The following CD38 variants were observed in gnomAD, a reference collection of about 807,000 sequenced individuals.
The protein encoded by CD38 is ADP-ribosyl cyclase/cyclic ADP-ribose hydrolase 1.
CD38 carries 31 observed loss-of-function variants against 36.3 expected under a neutral mutation model. That is an observed-to-expected ratio of 0.85 (90% CI 0.64 to 1.15). CD38 has a LOEUF of 1.15. Ranked by LOEUF, CD38 falls within the 50% of genes most tolerant of loss-of-function variation. CD38 has a pLI of 0.00. For synonymous variants in CD38, 131 were observed against 135.2 expected (o/e 0.97, Z 0.22); for missense variants, 380 against 371.9 (o/e 1.02, Z -0.18).
intron 1 of CD38, among the ~76,000 whole-genome samples, chr4:15,814,371 T>C (rs1227904776): frequency 6.6e-6 from 1 of 152,160 alleles, no homozygotes; most frequent in Non-Finnish European, 1.5e-5. Flanking sequence ...TTGCAAAAAA[T>C]TTCTCCCATT....
rs2148931436 is a variant in CD38 at position 15,853,004 on chromosome 4, G to A, written c.*4402G>A. On this transcript the variant is annotated 3_prime_UTR_variant, in exon 8 of 8. Transcript: ENST00000226279. ...TTTTTGTATTTTTAGTAGAGACGGG[G>A]TTTCACCGTGTTAGCCAGGATAGGG... The A allele has an allele frequency of 6.6e-6, 1 of 152,098 alleles. No individual in the cohort carries two copies. Among genetic ancestry groups the A allele is most frequent in the Non-Finnish European group, 1.5e-5 (1 of 67,996 alleles). The allele number at this position is 152,098 out of a possible 1,614,324, so 9.4% of individuals were successfully genotyped here.
chr4:15,791,780 C>A (rs1270954435), intron 1 of CD38, among the ~76,000 whole-genome samples: 2 of 80,064 alleles, frequency 2.5e-5, no homozygotes, highest in African/African-American at 1.3e-4. Flanking sequence ...CCCGGCCAGC[C>A]GCCCCGTCCG....
intron 1 of CD38, among the ~76,000 whole-genome samples, chr4:15,812,436 G>A (rs1014992550): frequency 1.5e-4 from 23 of 152,268 alleles, no homozygotes; most frequent in Middle Eastern, 3.4e-3. Context: ...GGTGGCTCAC[G>A]CCTGTAATCC....
chr4:15,826,497 A>ACACC (rs1723853777), intron 3 of CD38, among the ~76,000 whole-genome samples: 2 of 149,444 alleles, frequency 1.3e-5, no homozygotes, highest in African/African-American at 4.9e-5. Flanking sequence ...ACACACACAC[A>ACACC]CCTGCATACT....
intron 1 of CD38, among the ~76,000 whole-genome samples, chr4:15,815,720 T>A (rs1312336473): frequency 6.6e-6 from 1 of 152,206 alleles, no homozygotes; most frequent in Non-Finnish European, 1.5e-5. Flanking sequence ...CAGAGACAAT[T>A]TGACTTTCTC....
intron 1 of CD38, among the ~76,000 whole-genome samples, chr4:15,792,433 A>T (rs1458813728): frequency 3.4e-5 from 5 of 145,172 alleles, no homozygotes; most frequent in South Asian, 2.1e-4. Context: ...AAAATAAAAT[A>T]AAATAAAAAA....
chr4:15,790,518 GC>G (rs1213735658), intron 1 of CD38, among the ~76,000 whole-genome samples: 2 of 152,040 alleles, frequency 1.3e-5, no homozygotes, highest in Non-Finnish European at 2.9e-5. Context: ...CGTGATCTCG[GC>G]TCGCTACAAC....
chr4:15,786,717 C>T (rs1246075481), intron 1 of CD38, among the ~76,000 whole-genome samples: 1 of 152,256 alleles, frequency 6.6e-6, no homozygotes, highest in Non-Finnish European at 1.5e-5. Context: ...GCCTGCCAGT[C>T]ACCTGCTATG....
At chr4:15,805,430 A>T (rs1723321705) in intron 1 of CD38, among the ~76,000 whole-genome samples, 1 of 151,968 alleles carries the variant, frequency 6.6e-6, no homozygotes, top group South Asian at 2.1e-4. Context: ...AATATCACTA[A>T]CACCTCCTCC....
chr4:15,804,531 A>G (rs1560311034), intron 1 of CD38, among the ~76,000 whole-genome samples: 1 of 152,216 alleles, frequency 6.6e-6, no homozygotes, highest in Non-Finnish European at 1.5e-5. Context: ...CGAAGTGTCT[A>G]TCAACAGATG....
intron 3 of CD38, among the ~76,000 whole-genome samples, chr4:15,831,368 C>T (rs1723954755): frequency 6.6e-6 from 1 of 152,128 alleles, no homozygotes; most frequent in African/African-American, 2.4e-5. Context: ...TTACTACTGC[C>T]AGTGAGTTTT....
intron 7 of CD38, 139 bp downstream of exon 7, chr4:15,840,677 G>A: frequency 1.7e-6 from 1 of 599,626 alleles, no homozygotes; most frequent in South Asian, 2.1e-5. Context: ...GGCAACCTCT[G>A]GTGATCTCTG....
intron 3 of CD38, among the ~76,000 whole-genome samples, chr4:15,829,801 T>C (rs1416658094): frequency 6.6e-6 from 1 of 152,170 alleles, no homozygotes; most frequent in Non-Finnish European, 1.5e-5. Context: ...AGATCAGTTG[T>C]TTTGATTTGT....
intron 1 of CD38, among the ~76,000 whole-genome samples, chr4:15,813,609 C>G (rs1009789084): frequency 1.4e-4 from 22 of 152,116 alleles, no homozygotes; most frequent in African/African-American, 4.8e-4. Context: ...TCCCCACCCC[C>G]GCCGACAGGC....
Position 15,823,714 on chromosome 4 carries a change from G to A in CD38, c.364-1167G>A, listed in dbSNP as rs192109355. On this transcript the variant is annotated intron_variant, in intron 2 of 7. Coordinates refer to ENST00000226279, the MANE Select transcript of CD38 (RefSeq NM_001775.4). Reference sequence around the variant, plus strand: ...ATAGAAATGCTTTTACACTGTTGGTGGGAATGTAAATTAGTTCAACCATTG... The same window carrying A: ...ATAGAAATGCTTTTACACTGTTGGTAGGAATGTAAATTAGTTCAACCATTG... Among the ~76,000 whole-genome samples, 277 of 152,304 alleles carry A rather than the reference G, an allele frequency of 1.8e-3. 2 individuals carry two copies. Among genetic ancestry groups the A allele is most frequent in the African/African-American group, 6.3e-3 (260 of 41,560 alleles).
chr4:15,824,929 G>A lies in CD38; in HGVS notation c.412G>A (p.Val138Ile). ...IKDLAHQFTQ[V>I]QRDMFTLEDT... is the part of the protein sequence containing the mutation. ...AGATCTGGCCCATCAGTTCACACAGGTCCAGCGGGACATGTTCACCCTGGA... is the reference window on the plus strand; with the variant it reads ...AGATCTGGCCCATCAGTTCACACAGATCCAGCGGGACATGTTCACCCTGGA... Residue 138 changes from valine (V) to isoleucine (I), a missense_variant, in exon 3 of 8, where the codon GTC becomes ATC. Physicochemically the swap from Val to Ile is conservative, Grantham distance 29. Coordinates refer to ENST00000226279, the MANE Select transcript of CD38 (RefSeq NM_001775.4). 1 of 1,613,624 alleles carries A rather than the reference G, an allele frequency of 6.2e-7. No individual in the cohort carries two copies. The highest frequency in any genetic ancestry group is 1.1e-5 in the South Asian group (1 of 91,080).
chr4:15,789,037 CA>C (rs1722898807), intron 1 of CD38, among the ~76,000 whole-genome samples: 1 of 152,104 alleles, frequency 6.6e-6, no homozygotes, highest in South Asian at 2.1e-4. Context: ...ATAGAAAAGA[CA>C]AATATATGTT....
At chr4:15,826,587 G>A (rs1345331774) in intron 3 of CD38, among the ~76,000 whole-genome samples, 2 of 151,558 alleles carry the variant, frequency 1.3e-5, no homozygotes, top group Non-Finnish European at 2.9e-5. Context: ...TCATTTAAAA[G>A]ATGGTAACTA....
chr4:15,789,167 T>C lies in CD38; in HGVS notation c.233+10520T>C, dbSNP rs564709701. Among the ~76,000 whole-genome samples, 4 of 152,346 alleles carry C rather than the reference T, an allele frequency of 2.6e-5. No homozygotes were observed. The East Asian group carries it at 5.8e-4, about 22-fold the overall frequency. On this transcript the variant is annotated intron_variant, in intron 1 of 7. Transcript: ENST00000226279. ...CCACGTTTTAGGTATTTTTGTAAGA[T>C]ATCTATTCAATAAATATGTATTGAG...
Sources: gnomAD v4.1 joint callset for allele counts (sites outside exome capture counted in the v4.1 genomes callset) on GRCh38, gnomAD v4.1.1 for gene constraint, MANE v1.5 for transcripts, NCBI Gene and HGNC (gene_info 2026-07-23, HGNC 2026-07-21) for gene names.